The following AGTPBP1 variants were observed in gnomAD, a reference collection of about 807,000 sequenced individuals.
The protein encoded by AGTPBP1 is ATP/GTP binding carboxypeptidase 1, also known as cytosolic carboxypeptidase 1.
In AGTPBP1, 70 loss-of-function variants were observed where a neutral mutation model predicts 143.9. That is an observed-to-expected ratio of 0.49 (90% CI 0.40 to 0.59). The LOEUF is 0.59. Ranked by LOEUF, AGTPBP1 falls within the 20% of genes least tolerant of loss-of-function variation. AGTPBP1 has a pLI of 0.00. For missense variants in AGTPBP1, 1,229 were observed against 1,464.5 expected, an observed-to-expected ratio of 0.84 and a Z score of 2.62; for synonymous variants, 463 against 500.2, an observed-to-expected ratio of 0.93 and a Z score of 0.99.
At chr9:85,777,972 C>T in the AGTPBP1 span, among the ~76,000 whole-genome samples, 4 of 152,132 alleles carry the variant, frequency 2.6e-5, no homozygotes, top group Non-Finnish European at 4.4e-5. Context: ...GCCTGCATAT[C>T]GTGGAGAACC....
intron 25 of AGTPBP1, among the ~76,000 whole-genome samples, chr9:85,568,331 T>C (rs1429714964): frequency 6.6e-6 from 1 of 152,218 alleles, no homozygotes; most frequent in Admixed American, 6.5e-5. Flanking sequence ...CATTCTTATA[T>C]TTTTATTCAA....
chr9:85,641,528 T>C (rs1832465500), intron 13 of AGTPBP1, among the ~76,000 whole-genome samples: 2 of 151,890 alleles, frequency 1.3e-5, no homozygotes, highest in Non-Finnish European at 2.9e-5. Context: ...CAAAGTACCT[T>C]CTCATGTACC....
At chr9:85,780,066 ATATACT>A in the AGTPBP1 span, among the ~76,000 whole-genome samples, 1 of 152,190 alleles carries the variant, frequency 6.6e-6, no homozygotes, top group African/African-American at 2.4e-5. Context: ...AAATATACAA[ATATACT>A]TAAACAAAAT....
chr9:85,703,706 T>C (rs964718067), intron 2 of AGTPBP1, among the ~76,000 whole-genome samples: 3 of 152,192 alleles, frequency 2.0e-5, no homozygotes, highest in African/African-American at 7.2e-5. Context: ...CAATACTTAA[T>C]AGGCATGGAG....
the AGTPBP1 span, among the ~76,000 whole-genome samples, chr9:85,779,397 G>A: frequency 3.3e-5 from 5 of 151,978 alleles, no homozygotes; most frequent in East Asian, 5.8e-4. Flanking sequence ...TCTGAGTCTC[G>A]AAACTGAAGA....
intron 1 of AGTPBP1, among the ~76,000 whole-genome samples, chr9:85,718,674 T>G (rs1353806406): frequency 1.3e-5 from 2 of 152,234 alleles, no homozygotes; most frequent in African/African-American, 2.4e-5. Flanking sequence ...TTTAGTTTAA[T>G]TAGATCCCAT....
chr9:85,638,943 C>G (rs530397965), intron 13 of AGTPBP1, among the ~76,000 whole-genome samples: 1 of 152,114 alleles, frequency 6.6e-6, no homozygotes, highest in East Asian at 1.9e-4. Flanking sequence ...AACTTAACTT[C>G]TCAACACAAT....
chr9:85,672,329 A>G (rs775515626), intron 7 of AGTPBP1, among the ~76,000 whole-genome samples: 1 of 152,164 alleles, frequency 6.6e-6, no homozygotes, highest in Non-Finnish European at 1.5e-5. Flanking sequence ...TTGGCCTCCC[A>G]AAGTGCTGGG....
intron 24 of AGTPBP1, among the ~76,000 whole-genome samples, chr9:85,578,084 G>A (rs1486228723): frequency 6.6e-6 from 1 of 152,122 alleles, no homozygotes; most frequent in African/African-American, 2.4e-5. Context: ...GCCAAGGCAA[G>A]AAATAGAAAT....
At position 85,650,648 on chromosome 9, in the gene AGTPBP1, T is replaced by C. The variant is rs142749748; in HGVS notation, c.1088-4230A>G. Among the ~76,000 whole-genome samples, 1,290 of 152,292 alleles carry C rather than the reference T, an allele frequency of 8.5e-3. 9 individuals carry two copies. The highest frequency in any genetic ancestry group is 0.014 in the Non-Finnish European group (934 of 68,002). ...AGAGTCGATACTGCTAATCCCCAAG[T>C]TGTTTTAGGGTCAAGTCTGTATTCA... On this transcript the variant is annotated intron_variant, in intron 11 of 25. Coordinates refer to ENST00000357081, the MANE Select transcript of AGTPBP1 (RefSeq NM_001330701.2).
At chr9:85,549,549 A>G (rs889504157) in intron 25 of AGTPBP1, among the ~76,000 whole-genome samples, 1 of 152,212 alleles carries the variant, frequency 6.6e-6, no homozygotes, top group Non-Finnish European at 1.5e-5. Flanking sequence ...AGAGTTAATC[A>G]ATTTGAACAA....
upstream of AGTPBP1, among the ~76,000 whole-genome samples, chr9:85,745,833 C>A (rs931835468): frequency 6.6e-6 from 1 of 152,156 alleles, no homozygotes; most frequent in Non-Finnish European, 1.5e-5. Flanking sequence ...GAGAGTATGG[C>A]AGCCTTTGGT....
In AGTPBP1 at chr9:85,693,738, A is replaced by C. The variant is rs191201337; in HGVS notation, c.33-925T>G. On this transcript the variant is annotated intron_variant, in intron 2 of 25. Transcript: ENST00000357081. ...ACAAGTCAAATAGGTAAATATGTAC[A>C]TTTTATATTTCAGGTGATGGGAAGT... Among the ~76,000 whole-genome samples, 8 of 152,328 alleles carry C rather than the reference A, an allele frequency of 5.3e-5. No individual in the cohort carries two copies. The East Asian group carries it at 1.2e-3, about 22-fold the overall frequency.
At chr9:85,573,810 G>A (rs1306498146) in intron 25 of AGTPBP1, among the ~76,000 whole-genome samples, 17 of 152,054 alleles carry the variant, frequency 1.1e-4, no homozygotes, top group Middle Eastern at 3.4e-3. Flanking sequence ...CGTCTGGGAG[G>A]TGAGGAGCGT....
intron 13 of AGTPBP1, among the ~76,000 whole-genome samples, chr9:85,640,154 C>A (rs1293248858): frequency 6.6e-6 from 1 of 152,166 alleles, no homozygotes; most frequent in Non-Finnish European, 1.5e-5. Flanking sequence ...GAAGAAAATT[C>A]TTTCAAACAC....
the AGTPBP1 span, among the ~76,000 whole-genome samples, chr9:85,791,946 C>G: frequency 4.6e-5 from 7 of 151,854 alleles, no homozygotes; most frequent in Non-Finnish European, 2.9e-5. Context: ...ACAACATACA[C>G]TGAAGGAAAG....
In AGTPBP1 at chr9:85,686,697, GAAGGA is replaced by G. The variant is rs1835507250; in HGVS notation, c.158-5367_158-5363del. Among the ~76,000 whole-genome samples the G allele has an allele frequency of 3.3e-5, 5 of 152,242 alleles. No homozygotes were observed. In the South Asian group the frequency reaches 8.3e-4, roughly 25 times the overall value. ...AAATCAATAACAGCATAAAGAATGA[GAAGGA>G]AATGAAGCTATATGGGAAGTTTTGA... is the stretch of plus-strand genomic sequence containing the variant. On this transcript the variant is annotated intron_variant, in intron 3 of 25. Coordinates refer to ENST00000357081, the MANE Select transcript of AGTPBP1 (RefSeq NM_001330701.2).
intron 4 of AGTPBP1, among the ~76,000 whole-genome samples, chr9:85,678,714 C>A (rs1834986904): frequency 6.6e-6 from 1 of 152,192 alleles, no homozygotes; most frequent in African/African-American, 2.4e-5. Context: ...CAATGTATGT[C>A]TGGTGACTAC....
chr9:85,603,310 G>A (rs1343955285), intron 17 of AGTPBP1, among the ~76,000 whole-genome samples: 2 of 152,168 alleles, frequency 1.3e-5, no homozygotes, highest in African/African-American at 2.4e-5. Context: ...CTTGTAACTT[G>A]GATACCAACT....
Sources: gnomAD v4.1 joint callset for allele counts (sites outside exome capture counted in the v4.1 genomes callset) on GRCh38, gnomAD v4.1.1 for gene constraint, MANE v1.5 for transcripts, NCBI Gene and HGNC (gene_info 2026-07-23, HGNC 2026-07-21) for gene names.